GRIN2B: variants seen among roughly 807,000 people sequenced by gnomAD.
GRIN2B encodes glutamate ionotropic receptor NMDA type subunit 2B, also known as glutamate receptor ionotropic, NMDA 2B.
In GRIN2B, 5 loss-of-function variants were observed where a neutral mutation model predicts 114.5. The ratio of observed to expected loss-of-function variants is 0.04; its 90% CI spans 0.02 to 0.09. The LOEUF (loss-of-function observed/expected upper bound fraction) is 0.09. GRIN2B is among the 10% of genes least tolerant of loss of function. The probability of loss-of-function intolerance (pLI) is 1.00; values close to 1 mark genes in which losing one functional copy is unlikely to be tolerated. For synonymous variants in GRIN2B, 787 were observed against 745.1 expected (o/e 1.06, Z -0.92); for missense variants, 1,108 against 1,943.5 (o/e 0.57, Z 8.08).
At chr12:13,849,093 T>C (rs1015026311) in intron 3 of GRIN2B, among the ~76,000 whole-genome samples, 1 of 152,108 alleles carries the variant, frequency 6.6e-6, no homozygotes, top group African/African-American at 2.4e-5. Flanking sequence ...ACAACAGTGA[T>C]GAGAGACCAG....
chr12:13,822,084 A>T (rs1387627558), intron 3 of GRIN2B, among the ~76,000 whole-genome samples: 3 of 152,180 alleles, frequency 2.0e-5, no homozygotes, highest in Admixed American at 6.5e-5. Flanking sequence ...TGCCTTCTGA[A>T]CTATAAGTAT....
intron 5 of GRIN2B, among the ~76,000 whole-genome samples, chr12:13,671,408 A>G (rs1472835710): frequency 6.6e-6 from 1 of 152,158 alleles, no homozygotes; most frequent in Non-Finnish European, 1.5e-5. Flanking sequence ...TGTTGACTTC[A>G]AGTCTTCCCA....
At chr12:13,638,049 A>G (rs1949680850) in intron 5 of GRIN2B, among the ~76,000 whole-genome samples, 1 of 152,170 alleles carries the variant, frequency 6.6e-6, no homozygotes, top group Non-Finnish European at 1.5e-5. Context: ...CTTTTCAGAA[A>G]AACCTGCTGT....
intron 5 of GRIN2B, among the ~76,000 whole-genome samples, chr12:13,628,720 G>C (rs1165579996): frequency 6.6e-6 from 1 of 152,212 alleles, no homozygotes; most frequent in African/African-American, 2.4e-5. Context: ...AGAAGTATCA[G>C]AAAGAAAGTA....
intron 11 of GRIN2B, among the ~76,000 whole-genome samples, chr12:13,570,720 G>A (rs61911351): frequency 0.093 from 14,113 of 152,232 alleles, 746 homozygotes; most frequent in African/African-American, 0.12. Flanking sequence ...AAGACCAGGC[G>A]TAGGGGCAGG....
chr12:13,960,397 C>A (rs764058654), intron 2 of GRIN2B, among the ~76,000 whole-genome samples: 1 of 152,002 alleles, frequency 6.6e-6, no homozygotes, highest in Non-Finnish European at 1.5e-5. Context: ...AAGTTTCCAC[C>A]ACTAAAACGT....
intron 3 of GRIN2B, among the ~76,000 whole-genome samples, chr12:13,838,024 G>T (rs1865309434): frequency 6.6e-6 from 1 of 152,066 alleles, no homozygotes; most frequent in Admixed American, 6.5e-5. Context: ...TCTCTAGTTG[G>T]ATCTCCATGA....
intron 3 of GRIN2B, among the ~76,000 whole-genome samples, chr12:13,850,066 G>A (rs1181102993): frequency 6.6e-6 from 1 of 152,148 alleles, no homozygotes; most frequent in Non-Finnish European, 1.5e-5. Context: ...GGTGCTGAGG[G>A]GGACAATGGA....
chr12:13,540,220 A>T lies in GRIN2B; in HGVS notation c.*22563T>A, dbSNP rs758758617. 1 of 152,082 alleles carries T rather than the reference A, an allele frequency of 6.6e-6. No individual in the cohort carries two copies. The highest frequency in any genetic ancestry group is 1.5e-5 in the Non-Finnish European group (1 of 68,026). The allele number at this position is 152,082 out of a possible 1,614,324, so 9.4% of individuals were successfully genotyped here. On this transcript the variant is annotated 3_prime_UTR_variant, in exon 14 of 14. Coordinates refer to ENST00000609686, the MANE Select transcript of GRIN2B (RefSeq NM_000834.5). Reference sequence around the variant, plus strand: ...AGAAAGCACAAAGACCAAGAAAAAAACTCTGATTCTGGATTTTTTTTAACC... The same window carrying T: ...AGAAAGCACAAAGACCAAGAAAAAATCTCTGATTCTGGATTTTTTTTAACC...
At chr12:13,604,056 G>A (rs1221123364) in intron 10 of GRIN2B, among the ~76,000 whole-genome samples, 1 of 152,088 alleles carries the variant, frequency 6.6e-6, no homozygotes, top group Non-Finnish European at 1.5e-5. Context: ...TACTATGGTT[G>A]GCAGACTGCA....
chr12:13,948,895 A>C (rs1454311697), intron 2 of GRIN2B, among the ~76,000 whole-genome samples: 1 of 152,148 alleles, frequency 6.6e-6, no homozygotes, highest in Non-Finnish European at 1.5e-5. Flanking sequence ...CCACTCAGAA[A>C]ACCCAGGAAC....
intron 2 of GRIN2B, among the ~76,000 whole-genome samples, chr12:13,892,627 G>T (rs748334264): frequency 1.3e-5 from 2 of 152,190 alleles, no homozygotes; most frequent in Admixed American, 6.5e-5. Context: ...TTGCAGAAGT[G>T]GTGGAGGTGA....
rs549131029 is a variant in GRIN2B, at chr12:13,899,393, C to T, written c.-18-33167G>A. Among the ~76,000 whole-genome samples, 3 of 105,804 alleles carry T rather than the reference C, an allele frequency of 2.8e-5. 1 individual carries two copies. Among genetic ancestry groups the T allele is most frequent in the Non-Finnish European group, 8.0e-5 (3 of 37,306 alleles). 69.4% of individuals were successfully genotyped at this position (105,804 alleles called of 152,430 possible). The stretch of plus-strand genomic sequence containing the variant: ...TATGATCTGGCAAAAGGAAGTGGGT[C>T]AGTGTCAAGTTGAAGAGTGTTTAAT... On this transcript the variant is annotated intron_variant, in intron 2 of 13. Coordinates refer to ENST00000609686, the MANE Select transcript of GRIN2B (RefSeq NM_000834.5).
rs59335663 is a variant in GRIN2B at position 13,794,038 on chromosome 12, C to CA, written c.412-40124dup. On this transcript the variant is annotated intron_variant, in intron 3 of 13. Transcript: ENST00000609686. ...GCAACATGGCAAAATCCCATCTCTA[C>CA]AAAAAAAAAAAAAAAAAAAAAAATA... Among the ~76,000 whole-genome samples the CA allele has an allele frequency of 3.4e-3, 270 of 79,178 alleles. 1 individual carries two copies. Among genetic ancestry groups the CA allele is most frequent in the Non-Finnish European group, 4.4e-3 (191 of 43,560 alleles). The allele number at this position is 79,178 out of a possible 152,430, so 51.9% of individuals were successfully genotyped here.
intron 2 of GRIN2B, among the ~76,000 whole-genome samples, chr12:13,916,710 T>TAC (rs144748589): frequency 0.13 from 13,086 of 99,730 alleles, 1,095 homozygotes; most frequent in East Asian, 0.51. Flanking sequence ...TACATATACA[T>TAC]ATACACACAC....
chr12:13,977,324 G>A (rs371608624), intron 2 of GRIN2B: 12 of 152,104 alleles, frequency 7.9e-5, no homozygotes, highest in African/African-American at 2.4e-4. Context: ...TGGTACTCCC[G>A]GCTCCTCTCC....
chr12:13,558,747 G>A lies in GRIN2B; in HGVS notation c.*4036C>T, dbSNP rs1010246570. ...GCCAGTGCAGGGAAATACATATGAA[G>A]GATGTTTCCCAAGTTCTGGCTGAGG... On this transcript the variant is annotated 3_prime_UTR_variant, in exon 14 of 14. Coordinates refer to ENST00000609686, the MANE Select transcript of GRIN2B (RefSeq NM_000834.5). The A allele has an allele frequency of 1.3e-5, 2 of 152,218 alleles. No individual in the cohort carries two copies. The highest frequency in any genetic ancestry group is 6.5e-5 in the Admixed American group (1 of 15,284). 9.4% of individuals were successfully genotyped at this position (152,218 alleles called of 1,614,324 possible). A position where few individuals can be genotyped will look rare whatever the true frequency, so the allele number is the denominator to read the frequency against.
chr12:13,971,736 C>T (rs970382355), intron 2 of GRIN2B, among the ~76,000 whole-genome samples: 1 of 152,188 alleles, frequency 6.6e-6, no homozygotes, highest in African/African-American at 2.4e-5. Context: ...CTAAGTGGAA[C>T]AGAGGATGTT....
Position 13,587,948 on chromosome 12 carries a change from G to A in GRIN2B, c.2011-15984C>T, listed in dbSNP as rs535523706. On this transcript the variant is annotated intron_variant, in intron 10 of 13. Coordinates refer to ENST00000609686, the MANE Select transcript of GRIN2B (RefSeq NM_000834.5). ...TATTTTTTAATGACAAAACCGAATG[G>A]CAAAAACCGCGATTACTTTTGCACC... 5.3e-5 allele frequency among the ~76,000 whole-genome samples: 8 copies of A among 152,208 alleles called. No homozygotes were observed. In the South Asian group the frequency reaches 1.7e-3, roughly 32 times the overall value.
Sources: allele counts gnomAD v4.1 joint callset (sites outside exome capture counted in the v4.1 genomes callset), GRCh38; gene constraint gnomAD v4.1.1; transcripts MANE v1.5; gene names NCBI Gene and HGNC (gene_info 2026-07-23, HGNC 2026-07-21).